The following HOGA1 variants were observed in gnomAD, a reference collection of about 807,000 sequenced individuals.
HOGA1 encodes the protein 4-hydroxy-2-oxoglutarate aldolase, mitochondrial.
Under a neutral mutation model 34.3 loss-of-function variants are expected in HOGA1, and 30 were observed. The ratio of observed to expected loss-of-function variants is 0.87; its 90% CI spans 0.65 to 1.19. HOGA1 has a LOEUF of 1.19. HOGA1 is among the 50% of genes most tolerant of loss of function. The pLI is 0.00. For synonymous variants in HOGA1, 161 were observed against 174.0 expected (o/e 0.93, Z 0.59); for missense variants, 417 against 436.5 (o/e 0.96, Z 0.40).
At chr10:97,596,504 A>G (rs1005692737) in intron 1 of HOGA1, among the ~76,000 whole-genome samples, 2 of 152,098 alleles carry the variant, frequency 1.3e-5, no homozygotes, top group East Asian at 1.9e-4. Context: ...TGCTGGTCCA[A>G]TCGTAGCTAG....
At position 97,590,348 on chromosome 10, in the gene HOGA1, G is replaced by C. The variant is rs199811878; in HGVS notation, c.211+5434G>C. 3 of 1,614,036 alleles carry C rather than the reference G, an allele frequency of 1.9e-6. No homozygotes were observed. The East Asian group carries it at 6.7e-5, about 36-fold the overall frequency. On this transcript the variant is annotated intron_variant, in intron 1 of 6. Coordinates refer to ENST00000370646, the MANE Select transcript of HOGA1 (RefSeq NM_138413.4). Reference sequence around the variant, plus strand: ...TCACTCCATGCTGCAGCGGGCCATAGCTTACCAGCACTCAGGTCACCTAGA... The same window carrying C: ...TCACTCCATGCTGCAGCGGGCCATACCTTACCAGCACTCAGGTCACCTAGA...
At chr10:97,587,587 A>G (rs1345230468) in intron 1 of HOGA1, among the ~76,000 whole-genome samples, 1 of 151,828 alleles carries the variant, frequency 6.6e-6, no homozygotes, top group Non-Finnish European at 1.5e-5. Context: ...GCCTCACTGA[A>G]ACCTCCGCTT....
At position 97,611,841 on chromosome 10, in the gene HOGA1, C is replaced by T; in HGVS notation, c.*182C>T. Reference sequence around the variant, plus strand: ...GGCACGCCCATGCATATCTCCTATTCTAACGGCCCCTGACCTCTCCCTTTT... The same window carrying T: ...GGCACGCCCATGCATATCTCCTATTTTAACGGCCCCTGACCTCTCCCTTTT... On this transcript the variant is annotated 3_prime_UTR_variant, in exon 7 of 7. Coordinates refer to ENST00000370646, the MANE Select transcript of HOGA1 (RefSeq NM_138413.4). 1.6e-6 allele frequency: 1 copy of T among 644,156 alleles called. No individual in the cohort carries two copies. 39.9% of individuals were successfully genotyped at this position (644,156 alleles called of 1,614,324 possible).
At chr10:97,597,821 G>C (rs1423506457) in intron 1 of HOGA1, among the ~76,000 whole-genome samples, 2 of 152,142 alleles carry the variant, frequency 1.3e-5, no homozygotes, top group Non-Finnish European at 2.9e-5. Context: ...AGTTGGGCAT[G>C]GTAGCTCATG....
intron 1 of HOGA1, among the ~76,000 whole-genome samples, chr10:97,592,899 TG>T (rs1297750134): frequency 2.6e-5 from 4 of 151,608 alleles, no homozygotes; most frequent in Non-Finnish European, 5.9e-5. Context: ...GGCATGGTGG[TG>T]CCCACCTTAA....
chr10:97,599,229 C>T lies in HOGA1; in HGVS notation c.468+13C>T, dbSNP rs1347391514. The T allele has an allele frequency of 1.2e-6, 2 of 1,613,838 alleles. No individual in the cohort carries two copies. The highest frequency in any genetic ancestry group is 1.1e-5 in the South Asian group (1 of 91,062). Reference sequence around the variant, plus strand: ...CCACTACACCAAGGTGTGTGTGAGGCCTGAGACCAAGAGGAGGCTCTGCCC... The same window carrying T: ...CCACTACACCAAGGTGTGTGTGAGGTCTGAGACCAAGAGGAGGCTCTGCCC... On this transcript the variant is annotated intron_variant, in intron 3 of 6. Transcript: ENST00000370646.
intron 6 of HOGA1, among the ~76,000 whole-genome samples, chr10:97,610,542 T>C (rs1301867232): frequency 6.6e-6 from 1 of 152,180 alleles, no homozygotes; most frequent in East Asian, 1.9e-4. Flanking sequence ...CCTAGCACTT[T>C]GGGAGGCCGA....
At chr10:97,609,004 G>C (rs1376884715) in intron 6 of HOGA1, among the ~76,000 whole-genome samples, 1 of 152,084 alleles carries the variant, frequency 6.6e-6, no homozygotes, top group Admixed American at 6.6e-5. Context: ...TACCTCAAAG[G>C]GGCAGATTAA....
At chr10:97,586,908 G>A (rs2040975481) in intron 1 of HOGA1, among the ~76,000 whole-genome samples, 1 of 152,200 alleles carries the variant, frequency 6.6e-6, no homozygotes, top group African/African-American at 2.4e-5. Context: ...GTGGTAGGAA[G>A]AGCCCAGCAT....
intron 6 of HOGA1, among the ~76,000 whole-genome samples, chr10:97,607,201 C>A (rs2041164110): frequency 6.6e-6 from 1 of 151,844 alleles, no homozygotes; most frequent in African/African-American, 2.4e-5. Flanking sequence ...CCCCTGGCTG[C>A]TCCCTACACA....
In HOGA1 at chr10:97,602,671, TTCTC is replaced by T. The variant is rs138070744; in HGVS notation, c.834+685_834+688del. ...CCCTCCTTTCTGTCTTTCTTTCTCT[TTCTC>T]TCTTTCTTTCTTTCCTTCTTTCTTT... On this transcript the variant is annotated intron_variant, in intron 6 of 6. Transcript: ENST00000370646. The T allele has an allele frequency of 2.5e-3, 1,953 of 794,266 alleles. 38 individuals are homozygous for T. In the African/African-American group the frequency reaches 0.031, roughly 13 times the overall value. 49.2% of individuals were successfully genotyped at this position (794,266 alleles called of 1,614,324 possible). A position where few individuals can be genotyped will look rare whatever the true frequency, so the allele number is the denominator to read the frequency against.
intron 5 of HOGA1, chr10:97,600,546 G>C: frequency 3.0e-6 from 1 of 330,074 alleles, no homozygotes; most frequent in Non-Finnish European, 5.8e-6. Flanking sequence ...CCTCTCCCCT[G>C]TCCCAGACCA....
chr10:97,589,019 G>T (rs553288253), intron 1 of HOGA1, among the ~76,000 whole-genome samples: 1 of 151,938 alleles, frequency 6.6e-6, no homozygotes, highest in African/African-American at 2.4e-5. Context: ...GCCTATTTAT[G>T]GGGGGGCAAA....
In HOGA1 at chr10:97,603,509, T is replaced by C. The variant is rs2041135988; in HGVS notation, c.834+1519T>C. ...TCCCAAAATGCTGAGATTACAGGCA[T>C]GAGCCACCATGACTGGCCTACTGTA... On this transcript the variant is annotated intron_variant, in intron 6 of 6. Transcript: ENST00000370646. The surrounding 1 kb of genome is among the most constrained non-coding windows in gnomAD (Gnocchi z 4.5). Among the ~76,000 whole-genome samples, 1 of 152,048 alleles carries C rather than the reference T, an allele frequency of 6.6e-6. No individual in the cohort carries two copies. Among genetic ancestry groups the C allele is most frequent in the East Asian group, 1.9e-4 (1 of 5,202 alleles).
chr10:97,591,935 T>C (rs2041028638), intron 1 of HOGA1, among the ~76,000 whole-genome samples: 1 of 148,362 alleles, frequency 6.7e-6, no homozygotes, highest in South Asian at 2.2e-4. Context: ...GCCTCCCGGG[T>C]TCATGCGGTT....
chr10:97,602,714 C>A, intron 6 of HOGA1: 1 of 602,556 alleles, frequency 1.7e-6, no homozygotes, highest in South Asian at 7.4e-5. Context: ...TAGACAGAGT[C>A]TTGCTCTTTT....
chr10:97,584,846 C>T lies in HOGA1; in HGVS notation c.143C>T (p.Ala48Val). 1 of 1,614,132 alleles carries T rather than the reference C, an allele frequency of 6.2e-7. No individual in the cohort carries two copies. Among genetic ancestry groups the T allele is most frequent in the South Asian group, 1.1e-5 (1 of 91,076 alleles). ...CCCCCTGTGACCACCCCCTTCACTG[C>T]CACTGCAGAGGTGGACTATGGGAAA... Reference protein sequence around the residue: ...IYPPVTTPFTATAEVDYGKLE... With the variant: ...IYPPVTTPFTVTAEVDYGKLE... Residue 48 changes from alanine to valine, a missense_variant, in exon 1 of 7, where the codon GCC (alanine) becomes GTC (valine). Coordinates refer to ENST00000370646, the MANE Select transcript of HOGA1 (RefSeq NM_138413.4).
intron 6 of HOGA1, among the ~76,000 whole-genome samples, chr10:97,609,606 G>A (rs2041181315): frequency 6.6e-6 from 1 of 151,940 alleles, no homozygotes; most frequent in African/African-American, 2.4e-5. Context: ...CAAACACAAT[G>A]TCCTTCCTCC....
intron 1 of HOGA1, chr10:97,590,320 G>A (rs1426679267): frequency 8.7e-6 from 14 of 1,613,858 alleles, no homozygotes; most frequent in Non-Finnish European, 1.2e-5. Flanking sequence ...GGCGGCACCT[G>A]GCTCACTCCA....
Sources: allele counts gnomAD v4.1 joint callset (sites outside exome capture counted in the v4.1 genomes callset), GRCh38; gene constraint gnomAD v4.1.1; non-coding constraint Gnocchi (gnomAD v3.1); transcripts MANE v1.5; gene names NCBI Gene and HGNC (gene_info 2026-07-23, HGNC 2026-07-21).